BARHL2: variants seen among roughly 807,000 people sequenced by gnomAD.
The protein encoded by BARHL2 is barH-like 2 homeobox protein.
Under a neutral mutation model 27.1 loss-of-function variants are expected in BARHL2, and 10 were observed. That is an observed-to-expected ratio of 0.37 (90% CI 0.23 to 0.63). BARHL2 has a LOEUF of 0.63. Among genes scored for constraint, BARHL2 ranks in the 20% least tolerant of loss-of-function variants. The probability of loss-of-function intolerance (pLI) is 0.65; values close to 1 mark genes in which losing one functional copy is unlikely to be tolerated. For synonymous variants in BARHL2, 248 were observed against 224.7 expected, an observed-to-expected ratio of 1.10 and a Z score of -0.93; for missense variants, 483 against 533.5, an observed-to-expected ratio of 0.91 and a Z score of 0.93.
Position 90,716,571 on chromosome 1 carries a change from C to T in BARHL2, c.625G>A (p.Gly209Arg), listed in dbSNP as rs1355901658. The T allele has an allele frequency of 6.2e-7, 1 of 1,613,922 alleles. No individual in the cohort carries two copies. Among genetic ancestry groups the T allele is most frequent in the African/African-American group, 1.3e-5 (1 of 74,926 alleles). Reference protein sequence around the residue: ...EDSQSDIKCHGTKEEGDREIT... With the variant: ...EDSQSDIKCHRTKEEGDREIT... ...GAGAGCGCCGGGTGGCGGGACTCACCGTGGCATTTGATGTCGCTCTGGGAA... is the reference window on the plus strand; with the variant it reads ...GAGAGCGCCGGGTGGCGGGACTCACTGTGGCATTTGATGTCGCTCTGGGAA... Residue 209 changes from glycine to arginine, a missense_variant and splice_region_variant, in exon 1 of 3, where the codon GGG becomes AGG. Physicochemically the swap from Gly to Arg is moderately radical, Grantham distance 125. Coordinates refer to ENST00000370445, the MANE Select transcript of BARHL2 (RefSeq NM_020063.2).
chr1:90,716,794 G>C lies in BARHL2; in HGVS notation c.402C>G (p.Ala134=). Residue 134 remains alanine (A), a synonymous_variant, in exon 1 of 3, where the codon GCC becomes GCG. Coordinates refer to ENST00000370445, the MANE Select transcript of BARHL2 (RefSeq NM_020063.2). The stretch of plus-strand genomic sequence containing the variant: ...AAAAAGAAGACGTGGAAGTCCTGGG[G>C]GCCGAGGCGGCCGAGCCCAGCTGCT... ...PPQQLGSAAS[A]PRTSTSSFLI... The C allele has an allele frequency of 6.4e-7, 1 of 1,552,746 alleles. No homozygotes were observed. The highest frequency in any genetic ancestry group is 2.4e-5 in the East Asian group (1 of 41,012).
intron 1 of BARHL2, 150 bp from the exon 2 acceptor site, chr1:90,714,906 C>T: frequency 1.5e-6 from 1 of 685,800 alleles, no homozygotes; most frequent in South Asian, 1.7e-5. Flanking sequence ...ACACTCACGC[C>T]TTAGCCTGAG....
Position 90,712,579 on chromosome 1 carries a change from G to C in BARHL2, c.897C>G (p.Ala299=), listed in dbSNP as rs141540345. The C allele has an allele frequency of 1.2e-6, 2 of 1,613,162 alleles. No individual in the cohort carries two copies. Among genetic ancestry groups the C allele is most frequent in the Non-Finnish European group, 1.7e-6 (2 of 1,179,586 alleles). Reference sequence around the variant, plus strand: ...GCAGCGCCGAGTAGTTCCCTGCCTCGGCCAGCAACTCCAGGCCCACCGCTG... The same window carrying C: ...GCAGCGCCGAGTAGTTCCCTGCCTCCGCCAGCAACTCCAGGCCCACCGCTG... The part of the protein sequence containing the change: ...RQTAVGLELL[A]EAGNYSALQR... The change falls in exon 3 of 3, where the codon GCC becomes GCG. Residue 299 remains alanine, a synonymous_variant. Transcript: ENST00000370445.
chr1:90,716,914 C>T lies in BARHL2; in HGVS notation c.282G>A (p.Pro94=), dbSNP rs1658161394. ...HHHHLHHSQQ[P]PPPAAAPTQS... ...GCGTCGGGGCCGCGGCCGGCGGCGG[C>T]GGCTGCTGGCTGTGGTGGAGGTGGT... The change falls in exon 1 of 3, where the codon CCG becomes CCA. Residue 94 remains proline (P), a synonymous_variant. Coordinates refer to ENST00000370445, the MANE Select transcript of BARHL2 (RefSeq NM_020063.2). 1.9e-6 allele frequency: 3 copies of T among 1,603,966 alleles called. No individual in the cohort carries two copies. In the East Asian group the frequency reaches 6.8e-5, roughly 36 times the overall value.
At position 90,716,869 on chromosome 1, in the gene BARHL2, G is replaced by C. The variant is rs1287578909; in HGVS notation, c.327C>G (p.Pro109=). 4 of 1,570,240 alleles carry C rather than the reference G, an allele frequency of 2.5e-6. No homozygotes were observed. Among genetic ancestry groups the C allele is most frequent in the Non-Finnish European group, 3.5e-6 (4 of 1,159,044 alleles). The change falls in exon 1 of 3, where the codon CCC becomes CCG. Residue 109 remains proline, a synonymous_variant. Transcript: ENST00000370445. ...GTGGCGGCAGCGGCTGCTGCTGTTG[G>C]GGCAAAGGCTGCAAACTTTGCGTCG... is the stretch of plus-strand genomic sequence containing the variant. ...AAPTQSLQPL[P]QQQQPLPPQQ...
rs1358489254 is a variant in BARHL2, at chr1:90,712,350, A to G, written c.1126T>C (p.Leu376=). The change falls in exon 3 of 3, where the codon TTG becomes CTG. Residue 376 remains leucine (L), a synonymous_variant. Transcript: ENST00000370445. ...GPGGQPALNP[L]SSPIPGTPHP... is the part of the protein sequence containing the mutation. The stretch of plus-strand genomic sequence containing the variant: ...GGGGTGCCTGGGATGGGGCTGGACA[A>G]TGGATTAAGGGCTGGCTGTCCCCCA... The G allele has an allele frequency of 1.3e-6, 2 of 1,526,544 alleles. No individual in the cohort carries two copies. The highest frequency in any genetic ancestry group is 2.5e-5 in the South Asian group (2 of 81,166). The allele number at this position is 1,526,544 out of a possible 1,614,324, so 94.6% of individuals were successfully genotyped here.
At chr1:90,714,269 C>T (rs1011229587) in intron 2 of BARHL2, among the ~76,000 whole-genome samples, 6 of 152,190 alleles carry the variant, frequency 3.9e-5, no homozygotes, top group Non-Finnish European at 7.3e-5. Flanking sequence ...GGGGGGAATT[C>T]CAGCGGCTCG....
Position 90,714,741 on chromosome 1 carries a change from C to T in BARHL2, c.641G>A (p.Gly214Glu). Residue 214 changes from glycine to glutamate, a missense_variant, in exon 2 of 3, where the codon GGA becomes GAA. This residue lies in a region of BARHL2 where 49 missense variants were observed against 110.6 expected (regional missense o/e 0.44). Coordinates refer to ENST00000370445, the MANE Select transcript of BARHL2 (RefSeq NM_020063.2). ...ACGGCTACTCGTAATCTCCCGGTCTCCTTCCTCCTTTGTCCCTACCATAGA... is the reference window on the plus strand; with the variant it reads ...ACGGCTACTCGTAATCTCCCGGTCTTCTTCCTCCTTTGTCCCTACCATAGA... The part of the protein sequence containing the change: ...DIKCHGTKEE[G>E]DREITSSRES... 3 of 1,614,216 alleles carry T rather than the reference C, an allele frequency of 1.9e-6. No homozygotes were observed. Among genetic ancestry groups the T allele is most frequent in the Non-Finnish European group, 2.5e-6 (3 of 1,180,024 alleles).
At chr1:90,714,794 G>A (rs1658109888) in intron 1 of BARHL2, 38 bp from the exon 2 acceptor site, 2 of 1,598,864 alleles carry the variant, frequency 1.3e-6, no homozygotes, top group Non-Finnish European at 8.6e-7. Context: ...AAGTTAGCCT[G>A]GAATGGGGAA....
chr1:90,713,701 C>T (rs535084477), intron 2 of BARHL2, among the ~76,000 whole-genome samples: 45 of 152,182 alleles, frequency 3.0e-4, no homozygotes, highest in Non-Finnish European at 5.9e-4. Context: ...GAGATGAGTG[C>T]CAGGCTTGAA....
chr1:90,712,430 TG>T lies in BARHL2; in HGVS notation c.1045del (p.His349IlefsTer17), dbSNP rs2100639643. 6.2e-7 allele frequency: 1 copy of T among 1,610,720 alleles called. No homozygotes were observed. The highest frequency in any genetic ancestry group is 2.2e-5 in the East Asian group (1 of 44,740). On this transcript the variant is annotated frameshift_variant, in exon 3 of 3. Coordinates refer to ENST00000370445, the MANE Select transcript of BARHL2 (RefSeq NM_020063.2). LOFTEE classifies it high-confidence loss of function. ...SSMYRTPPAP[H>X]PQLQRPLVPR... Reference sequence around the variant, plus strand: ...CACCAGGGGCCGCTGCAGCTGGGGATGGGGTGCTGGAGGAGTCCGGTACATG... The same window carrying T: ...CACCAGGGGCCGCTGCAGCTGGGGATGGGTGCTGGAGGAGTCCGGTACATG...
Position 90,714,532 on chromosome 1 carries a change from T to C in BARHL2, c.850A>G (p.Arg284Gly). The stretch of plus-strand genomic sequence containing the variant: ...GCTCCCCCAAAGTGCCTCCCTTACC[T>C]GCGGTTCTGGTACCAGGTCTTGACT... ...TQVKTWYQNRRTKWKRQTAVG... is the reference protein window; with the variant it reads ...TQVKTWYQNRGTKWKRQTAVG... Residue 284 changes from arginine to glycine, a missense_variant and splice_region_variant, in exon 2 of 3, where the codon AGG becomes GGG. Physicochemically the swap from Arg to Gly is moderately radical, Grantham distance 125 (BLOSUM62 -2). Around this residue, in one of 3 missense-constraint regions of BARHL2, gnomAD observed 49 missense variants for 110.6 expected, o/e 0.44. Transcript: ENST00000370445. 6.2e-7 allele frequency: 1 copy of C among 1,614,116 alleles called. No homozygotes were observed. The highest frequency in any genetic ancestry group is 8.5e-7 in the Non-Finnish European group (1 of 1,179,960).
rs1355697376 is a variant in BARHL2, at chr1:90,712,644, C to T, written c.852-20G>A. The T allele has an allele frequency of 2.5e-6, 4 of 1,581,878 alleles. No homozygotes were observed. The highest frequency in any genetic ancestry group is 3.4e-6 in the Non-Finnish European group (4 of 1,161,198). On this transcript the variant is annotated intron_variant, in intron 2 of 2. Coordinates refer to ENST00000370445, the MANE Select transcript of BARHL2 (RefSeq NM_020063.2). ...TTGGTCCTGAAAGAAAGCGGGTGTG[C>T]AGGCACCCAGCAGCTGTGGGCATGG...
intron 2 of BARHL2, among the ~76,000 whole-genome samples, chr1:90,713,015 TCTCCCAA>T (rs1658068530): frequency 6.6e-6 from 1 of 151,830 alleles, no homozygotes; most frequent in Non-Finnish European, 1.5e-5. Context: ...CCCTTCCACA[TCTCCCAA>T]CTCCCAACAA....
chr1:90,712,254 C>T lies in BARHL2; in HGVS notation c.*58G>A, dbSNP rs1418959346. 2 of 1,407,268 alleles carry T rather than the reference C, an allele frequency of 1.4e-6. No homozygotes were observed. The highest frequency in any genetic ancestry group is 5.1e-5 in the East Asian group (2 of 39,202). 87.2% of individuals were successfully genotyped at this position (1,407,268 alleles called of 1,614,324 possible). On this transcript the variant is annotated 3_prime_UTR_variant, in exon 3 of 3. Coordinates refer to ENST00000370445, the MANE Select transcript of BARHL2 (RefSeq NM_020063.2). ...CCTGGAGCAGGGAGAGGACGGGCAG[C>T]AGTCCGGGTTGGGCAGGGATATGGG...
At chr1:90,715,042 T>G (rs1658115373) in intron 1 of BARHL2, among the ~76,000 whole-genome samples, 1 of 152,168 alleles carries the variant, frequency 6.6e-6, no homozygotes, top group Non-Finnish European at 1.5e-5. Context: ...TTTTTTTAAA[T>G]AAAACTTTTG....
intron 2 of BARHL2, 30 bp downstream of exon 2, chr1:90,714,501 A>G: frequency 6.3e-7 from 1 of 1,593,910 alleles, no homozygotes; most frequent in South Asian, 1.1e-5. Context: ...ATGGCCAGAC[A>G]CCTTTGCTCC....
chr1:90,712,452 A>T lies in BARHL2; in HGVS notation c.1024T>A (p.Tyr342Asn). 1 of 1,613,118 alleles carries T rather than the reference A, an allele frequency of 6.2e-7. No individual in the cohort carries two copies. The highest frequency in any genetic ancestry group is 8.5e-7 in the Non-Finnish European group (1 of 1,179,616). Residue 342 changes from tyrosine to asparagine, a missense_variant, in exon 3 of 3, where the codon TAC (tyrosine) becomes AAC (asparagine). This residue lies in a region of BARHL2 where 130 missense variants were observed against 138.0 expected (regional missense o/e 0.94). Transcript: ENST00000370445. ...GGATGGGGTGCTGGAGGAGTCCGGTACATGCTGCTGTACATGGCAGCGGCA... is the reference window on the plus strand; with the variant it reads ...GGATGGGGTGCTGGAGGAGTCCGGTTCATGCTGCTGTACATGGCAGCGGCA... ...AAAAAMYSSM[Y>N]RTPPAPHPQL... is the part of the protein sequence containing the mutation.
chr1:90,713,938 C>G (rs374465956), intron 2 of BARHL2, among the ~76,000 whole-genome samples: 3 of 152,222 alleles, frequency 2.0e-5, no homozygotes, highest in African/African-American at 2.4e-5. Flanking sequence ...GGCCAGCCGC[C>G]GATTCTCCAG....
Sources: allele counts gnomAD v4.1 joint callset (sites outside exome capture counted in the v4.1 genomes callset), GRCh38; gene constraint gnomAD v4.1.1; regional missense constraint gnomAD v4.1.1; transcripts MANE v1.5; gene names NCBI Gene and HGNC (gene_info 2026-07-23, HGNC 2026-07-21).